PALMD: variants seen among roughly 807,000 people sequenced by gnomAD.
The protein encoded by PALMD is palmdelphin.
In PALMD, 42 loss-of-function variants were observed where a neutral mutation model predicts 56.2. That is an observed-to-expected ratio of 0.75 (90% CI 0.58 to 0.97). The LOEUF (loss-of-function observed/expected upper bound fraction) is 0.97. Among genes scored for constraint, PALMD ranks in the 50% least tolerant of loss-of-function variants. The pLI, the probability that PALMD is intolerant of heterozygous loss-of-function variation, is 0.00. For synonymous variants in PALMD, 242 were observed against 222.9 expected, an observed-to-expected ratio of 1.09 and a Z score of -0.76; for missense variants, 660 against 643.8, an observed-to-expected ratio of 1.03 and a Z score of -0.27.
In PALMD at chr1:99,688,950, C is replaced by T. The variant is rs781304216; in HGVS notation, c.690C>T (p.Gly230=). The T allele has an allele frequency of 6.2e-7, 1 of 1,613,420 alleles. No individual in the cohort carries two copies. Among genetic ancestry groups the T allele is most frequent in the Non-Finnish European group, 8.5e-7 (1 of 1,179,544 alleles). The change falls in exon 7 of 8, where the codon GGC becomes GGT. Residue 230 remains glycine (G), a synonymous_variant. Transcript: ENST00000263174. ...VSSNHSAAYN[G]TDGLAPVEVE... ...CTAATCACAGTGCAGCATACAATGG[C>T]ACCGATGGCCTGGCACCAGTTGAAG...
At chr1:99,687,213 G>A (rs953439427) in intron 6 of PALMD, 24 bp downstream of exon 6, 1 of 1,574,532 alleles carries the variant, frequency 6.4e-7, no homozygotes, top group Non-Finnish European at 8.6e-7. Context: ...CTGTGTTGAA[G>A]GGCATGTTCT....
chr1:99,650,285 G>GAAAAAAAA (rs200081370), intron 1 of PALMD, among the ~76,000 whole-genome samples: 8 of 116,994 alleles, frequency 6.8e-5, no homozygotes, highest in East Asian at 2.5e-4. Context: ...TGCTCATAAT[G>GAAAAAAAA]AAAAAAAAAA....
At chr1:99,646,485 G>T in intron 1 of PALMD, 123 bp downstream of exon 1, 1 of 759,162 alleles carries the variant, frequency 1.3e-6, no homozygotes, top group Non-Finnish European at 2.4e-6. Flanking sequence ...CTTCATGGAC[G>T]AGTCTCTGTT....
chr1:99,656,118 T>C (rs1464376439), intron 1 of PALMD, among the ~76,000 whole-genome samples: 1 of 152,162 alleles, frequency 6.6e-6, no homozygotes, highest in African/African-American at 2.4e-5. Flanking sequence ...TAGCAAATGA[T>C]TTGGTTTTAT....
Position 99,662,300 on chromosome 1 carries a change from TG to T in PALMD, c.46-17del. On this transcript the variant is annotated intron_variant, in intron 1 of 7. Coordinates refer to ENST00000263174, the MANE Select transcript of PALMD (RefSeq NM_017734.5). ...AGCAAATTTTAAAAATAAAATATAC[TG>T]GAACTTTTTTATTTCAGGATAAAAG... is the stretch of plus-strand genomic sequence containing the variant. 1 of 1,295,848 alleles carries T rather than the reference TG, an allele frequency of 7.7e-7. No individual in the cohort carries two copies. Among genetic ancestry groups the T allele is most frequent in the South Asian group, 1.2e-5 (1 of 80,308 alleles). 80.3% of individuals were successfully genotyped at this position (1,295,848 alleles called of 1,614,324 possible).
chr1:99,671,401 T>C (rs1438731978), intron 3 of PALMD, among the ~76,000 whole-genome samples: 2 of 152,128 alleles, frequency 1.3e-5, no homozygotes, highest in African/African-American at 4.8e-5. Context: ...CTCAGTTTCC[T>C]TGCCTGTAAT....
rs777770897 is a variant in PALMD at position 99,688,829 on chromosome 1, C to A, written c.569C>A (p.Thr190Lys). The A allele has an allele frequency of 1.2e-6, 2 of 1,609,580 alleles. No homozygotes were observed. Among genetic ancestry groups the A allele is most frequent in the South Asian group, 2.2e-5 (2 of 90,858 alleles). ...VEKDLKTGES[T>K]VLSSIPLPSD... The stretch of plus-strand genomic sequence containing the variant: ...AAAGACTTGAAGACTGGAGAAAGTA[C>A]AGTTCTGTCTTCAATACCTCTGCCA... Residue 190 changes from threonine to lysine, a missense_variant, in exon 7 of 8, where the codon ACA becomes AAA. By Grantham distance (78) the Thr-to-Lys change is moderately conservative. Coordinates refer to ENST00000263174, the MANE Select transcript of PALMD (RefSeq NM_017734.5).
At chr1:99,693,996 C>A in intron 7 of PALMD, 23 bp from the exon 8 acceptor site, 2 of 1,529,704 alleles carry the variant, frequency 1.3e-6, no homozygotes, top group South Asian at 2.4e-5. Flanking sequence ...TTATAACTCT[C>A]TTTTTTTTTC....
intron 3 of PALMD, among the ~76,000 whole-genome samples, chr1:99,678,584 G>A (rs963684182): frequency 6.6e-6 from 1 of 152,124 alleles, no homozygotes. Flanking sequence ...CTTTGAGATG[G>A]GTTCATTTTC....
At chr1:99,666,293 T>C (rs1652958340) in intron 2 of PALMD, among the ~76,000 whole-genome samples, 1 of 152,072 alleles carries the variant, frequency 6.6e-6, no homozygotes, top group African/African-American at 2.4e-5. Context: ...CAGTAAAAAA[T>C]AATCATCCTT....
chr1:99,670,564 G>A (rs1653061056), intron 3 of PALMD, among the ~76,000 whole-genome samples: 1 of 152,104 alleles, frequency 6.6e-6, no homozygotes, highest in African/African-American at 2.4e-5. Context: ...AAATGCAAAT[G>A]CTCTAGAAAT....
chr1:99,651,641 C>T (rs1283783149), intron 1 of PALMD, among the ~76,000 whole-genome samples: 4 of 152,194 alleles, frequency 2.6e-5, no homozygotes, highest in Non-Finnish European at 4.4e-5. Context: ...ATAGTAATGT[C>T]ATTTTGGGAA....
chr1:99,677,197 T>C (rs1653235614), intron 3 of PALMD, among the ~76,000 whole-genome samples: 1 of 152,146 alleles, frequency 6.6e-6, no homozygotes, highest in Non-Finnish European at 1.5e-5. Context: ...TCTGTTTTTC[T>C]AGTTAACAAC....
chr1:99,691,777 C>T (rs1653657835), intron 7 of PALMD, among the ~76,000 whole-genome samples: 1 of 152,132 alleles, frequency 6.6e-6, no homozygotes, highest in Non-Finnish European at 1.5e-5. Flanking sequence ...AGGTCAATTC[C>T]TTTATTTATG....
At chr1:99,675,049 C>A (rs575602459) in intron 3 of PALMD, among the ~76,000 whole-genome samples, 10 of 152,304 alleles carry the variant, frequency 6.6e-5, no homozygotes, top group African/African-American at 2.4e-4. Context: ...TCCATTTAGA[C>A]CACCCAAGGT....
At chr1:99,663,842 C>T (rs1652907233) in intron 2 of PALMD, among the ~76,000 whole-genome samples, 1 of 152,134 alleles carries the variant, frequency 6.6e-6, no homozygotes. Flanking sequence ...TGAAGTAGCA[C>T]CTCATTCCAG....
chr1:99,683,836 T>G (rs1376238312), intron 3 of PALMD: 3 of 152,274 alleles, frequency 2.0e-5, no homozygotes, highest in Non-Finnish European at 4.4e-5. Flanking sequence ...ACCTTTCTAC[T>G]CTCTTGGCTC....
chr1:99,689,894 G>A, intron 7 of PALMD, 22 bp downstream of exon 7: 2 of 1,568,130 alleles, frequency 1.3e-6, no homozygotes. Flanking sequence ...GACAAGGCAT[G>A]CCACTGCTGT....
chr1:99,688,863 C>A lies in PALMD; in HGVS notation c.603C>A (p.Asp201Glu), dbSNP rs781639170. The change falls in exon 7 of 8, where the codon GAC becomes GAA. Residue 201 changes from aspartate to glutamate, a missense_variant. Physicochemically the swap from Asp to Glu is conservative, Grantham distance 45. Coordinates refer to ENST00000263174, the MANE Select transcript of PALMD (RefSeq NM_017734.5). ...CTTCAATACCTCTGCCATCAGATGA[C>A]TTTAAAGGTACAGGAATAAAAGTTT... ...VLSSIPLPSD[D>E]FKGTGIKVYD... 1 of 1,613,184 alleles carries A rather than the reference C, an allele frequency of 6.2e-7. No individual in the cohort carries two copies. Among genetic ancestry groups the A allele is most frequent in the Non-Finnish European group, 8.5e-7 (1 of 1,179,242 alleles).
Sources: allele counts gnomAD v4.1 joint callset (sites outside exome capture counted in the v4.1 genomes callset), GRCh38; gene constraint gnomAD v4.1.1; transcripts MANE v1.5; gene names NCBI Gene and HGNC (gene_info 2026-07-23, HGNC 2026-07-21).